Variants in ADGRV1 observed in about 807,000 individuals in gnomAD.
The protein encoded by ADGRV1 is G-protein coupled receptor 98.
In ADGRV1, 359 loss-of-function variants were observed where a neutral mutation model predicts 596.2. That is an observed-to-expected ratio of 0.60 (90% CI 0.55 to 0.66). The LOEUF is 0.66. ADGRV1 is among the 30% of genes least tolerant of loss of function. ADGRV1 has a pLI of 0.00. For missense variants in ADGRV1, 7,274 were observed against 7,575.6 expected, an observed-to-expected ratio of 0.96 and a Z score of 1.48; for synonymous variants, 2,681 against 2,679.2, an observed-to-expected ratio of 1.00 and a Z score of -0.02.
intron 83 of ADGRV1, among the ~76,000 whole-genome samples, chr5:90,938,218 G>A (rs1775876933): frequency 6.6e-6 from 1 of 151,988 alleles, no homozygotes; most frequent in African/African-American, 2.4e-5. Flanking sequence ...AAAATTTTTT[G>A]GAGTTGTCTG....
In ADGRV1 at chr5:90,968,658, G is replaced by A. The variant is rs191087353; in HGVS notation, c.17973+3127G>A. The stretch of plus-strand genomic sequence containing the variant: ...ATGAATTATTTTATGATCAGAGGTT[G>A]CACTTCACCAACCTACATATTCCCA... On this transcript the variant is annotated intron_variant, in intron 84 of 89. Transcript: ENST00000405460. Among the ~76,000 whole-genome samples, 245 of 152,286 alleles carry A rather than the reference G, an allele frequency of 1.6e-3. 2 individuals carry two copies. Among genetic ancestry groups the A allele is most frequent in the African/African-American group, 5.4e-3 (224 of 41,574 alleles).
intron 83 of ADGRV1, among the ~76,000 whole-genome samples, chr5:90,911,972 C>A (rs1196063671): frequency 6.6e-6 from 1 of 151,960 alleles, no homozygotes; most frequent in Non-Finnish European, 1.5e-5. Context: ...GTCAGGTCTG[C>A]AGTACTGGGT....
intron 83 of ADGRV1, among the ~76,000 whole-genome samples, chr5:90,964,804 G>A (rs1022648639): frequency 6.6e-6 from 1 of 151,730 alleles, no homozygotes; most frequent in East Asian, 1.9e-4. Context: ...GAGAGAGAGT[G>A]AGAGAGAAGT....
chr5:90,560,737 T>A (rs2151937297), intron 1 of ADGRV1, among the ~76,000 whole-genome samples: 1 of 152,308 alleles, frequency 6.6e-6, no homozygotes, highest in South Asian at 2.1e-4. Context: ...CTTAAAAAGT[T>A]ACATATTTAT....
intron 83 of ADGRV1, among the ~76,000 whole-genome samples, chr5:90,896,323 T>C (rs528984893): frequency 1.6e-5 from 2 of 122,042 alleles, no homozygotes; most frequent in Non-Finnish European, 3.2e-5. Flanking sequence ...GGGGCTGGAG[T>C]GCAGTGGCGT....
At chr5:90,613,268 T>C (rs1580451229) in intron 1 of ADGRV1, among the ~76,000 whole-genome samples, 2 of 152,142 alleles carry the variant, frequency 1.3e-5, no homozygotes, top group African/African-American at 4.8e-5. Flanking sequence ...ACCTTCTCCC[T>C]CTTCCATTTT....
chr5:90,566,002 A>T (rs1300144478), intron 1 of ADGRV1, among the ~76,000 whole-genome samples: 1 of 152,146 alleles, frequency 6.6e-6, no homozygotes, highest in East Asian at 1.9e-4. Flanking sequence ...CATTTTAAAA[A>T]TAGGATTTTG....
intron 29 of ADGRV1, among the ~76,000 whole-genome samples, chr5:90,687,209 A>T (rs563919999): frequency 6.6e-6 from 1 of 152,226 alleles, no homozygotes; most frequent in South Asian, 2.1e-4. Flanking sequence ...GAAGCTCTTT[A>T]GTTTAATTAG....
At chr5:91,106,914 G>A (rs942257575) in intron 87 of ADGRV1, among the ~76,000 whole-genome samples, 1 of 152,204 alleles carries the variant, frequency 6.6e-6, no homozygotes, top group Non-Finnish European at 1.5e-5. Flanking sequence ...GTTTGCAGTT[G>A]CGGGTAGAAA....
intron 25 of ADGRV1, among the ~76,000 whole-genome samples, chr5:90,678,786 A>G (rs1477181216): frequency 1.3e-5 from 2 of 151,728 alleles, no homozygotes; most frequent in Admixed American, 6.6e-5. Context: ...AGGTGTCATG[A>G]CCTGATCACC....
At chr5:90,667,565 C>T (rs868178945) in intron 21 of ADGRV1, among the ~76,000 whole-genome samples, 11 of 149,662 alleles carry the variant, frequency 7.3e-5, no homozygotes, top group Middle Eastern at 3.4e-3. Flanking sequence ...AATGTCCTCC[C>T]GTAGCTCAGA....
chr5:90,723,914 A>G (rs1157461875), intron 45 of ADGRV1, among the ~76,000 whole-genome samples: 1 of 151,044 alleles, frequency 6.6e-6, no homozygotes, highest in Non-Finnish European at 1.5e-5. Context: ...GGGGATTTTT[A>G]TTTTTGCCCT....
chr5:90,976,322 GTATATATATA>G (rs70973719), intron 84 of ADGRV1, among the ~76,000 whole-genome samples: 8 of 108,636 alleles, frequency 7.4e-5, no homozygotes, highest in African/African-American at 2.6e-4. Context: ...GTGTGTGTGT[GTATATATATA>G]TATATATATA....
chr5:90,839,764 C>A (rs1765273831), intron 77 of ADGRV1, among the ~76,000 whole-genome samples: 1 of 152,146 alleles, frequency 6.6e-6, no homozygotes. Flanking sequence ...CATTCCCTTA[C>A]CTACTTTTAT....
chr5:90,790,806 AT>A, intron 69 of ADGRV1, 66 bp from the exon 70 acceptor site: 1 of 1,046,036 alleles, frequency 9.6e-7, no homozygotes, highest in Non-Finnish European at 1.4e-6. Flanking sequence ...GAAAAACATA[AT>A]TTAAGGGAAT....
intron 33 of ADGRV1, among the ~76,000 whole-genome samples, chr5:90,696,288 G>A (rs896290441): frequency 3.3e-5 from 5 of 151,932 alleles, no homozygotes; most frequent in African/African-American, 9.7e-5. Context: ...AGATTGCTTG[G>A]ACTTTTGTTG....
At position 90,938,588 on chromosome 5, in the gene ADGRV1, C is replaced by A. The variant is rs55914710; in HGVS notation, c.17857-26827C>A. ...CCTCAGCCAGAACCTCTGCTTAATT[C>A]CCCTCTCCCTTTCACTCAACACATA... is the stretch of plus-strand genomic sequence containing the variant. On this transcript the variant is annotated intron_variant, in intron 83 of 89. Coordinates refer to ENST00000405460, the MANE Select transcript of ADGRV1 (RefSeq NM_032119.4). Among the ~76,000 whole-genome samples the A allele has an allele frequency of 5.2e-3, 786 of 152,240 alleles. 9 individuals carry two copies. Among genetic ancestry groups the A allele is most frequent in the African/African-American group, 0.018 (746 of 41,530 alleles).
chr5:91,103,262 A>T (rs1052357140), intron 87 of ADGRV1, among the ~76,000 whole-genome samples: 1 of 152,104 alleles, frequency 6.6e-6, no homozygotes, highest in Non-Finnish European at 1.5e-5. Flanking sequence ...AAACAATTAA[A>T]AGTTTAGAAC....
chr5:91,109,229 T>C (rs1431647914), intron 87 of ADGRV1, among the ~76,000 whole-genome samples: 1 of 152,218 alleles, frequency 6.6e-6, no homozygotes, highest in Non-Finnish European at 1.5e-5. Context: ...ATCCTTATTA[T>C]TTACATTTTC....
Sources: gnomAD v4.1 joint callset for allele counts (sites outside exome capture counted in the v4.1 genomes callset) on GRCh38, gnomAD v4.1.1 for gene constraint, MANE v1.5 for transcripts, NCBI Gene and HGNC (gene_info 2026-07-23, HGNC 2026-07-21) for gene names.